CACNG2: variants seen among roughly 807,000 people sequenced by gnomAD.
CACNG2 encodes calcium voltage-gated channel auxiliary subunit gamma 2.
A neutral mutation model predicts 25.9 loss-of-function variants in CACNG2; 3 were observed. That is an observed-to-expected ratio of 0.12 (90% CI 0.05 to 0.30). The LOEUF (loss-of-function observed/expected upper bound fraction) is 0.30. CACNG2 is among the 10% of genes least tolerant of loss of function. The pLI is 1.00. For synonymous variants in CACNG2, 167 were observed against 173.3 expected, an observed-to-expected ratio of 0.96 and a Z score of 0.29; for missense variants, 341 against 432.5, an observed-to-expected ratio of 0.79 and a Z score of 1.88.
At position 36,653,982 on chromosome 22, in the gene CACNG2, CTGTGTG is replaced by C. The variant is rs34435196; in HGVS notation, c.211+48378_211+48383del. Among the ~76,000 whole-genome samples, 1,025 of 134,180 alleles carry C rather than the reference CTGTGTG, an allele frequency of 7.6e-3. 5 individuals carry two copies. The highest frequency in any genetic ancestry group is 0.02 in the Middle Eastern group (5 of 254). 88.0% of individuals were successfully genotyped at this position (134,180 alleles called of 152,430 possible). A position where few individuals can be genotyped will look rare whatever the true frequency, so the allele number is the denominator to read the frequency against. On this transcript the variant is annotated intron_variant, in intron 1 of 3. Coordinates refer to ENST00000300105, the MANE Select transcript of CACNG2 (RefSeq NM_006078.5). ...TGTTTGTGTGTGTGTGTGTGTGTCT[CTGTGTG>C]TGTGTGTGTGTGTGTGTGTGTGTGT...
chr22:36,680,477 T>A (rs1056563215), intron 1 of CACNG2, among the ~76,000 whole-genome samples: 8 of 140,786 alleles, frequency 5.7e-5, no homozygotes, highest in African/African-American at 2.1e-4. Flanking sequence ...ACCACCATCT[T>A]TATCACAGTC....
chr22:36,564,821 C>T lies in CACNG2; in HGVS notation c.502G>A (p.Asp168Asn). The T allele has an allele frequency of 5.0e-6, 8 of 1,614,120 alleles. No individual in the cohort carries two copies. The highest frequency in any genetic ancestry group is 6.8e-6 in the Non-Finnish European group (8 of 1,180,020). The change falls in exon 4 of 4, where the codon GAC (aspartate) becomes AAC (asparagine). Residue 168 changes from aspartate to asparagine, a missense_variant. Transcript: ENST00000300105. This position sits in a 1 kb window ranked among gnomAD's most constrained non-coding sequence, Gnocchi z 6.7. ...SANAGDPSKSDSKKNSYSYGW... is the reference protein window; with the variant it reads ...SANAGDPSKSNSKKNSYSYGW... Reference sequence around the variant, plus strand: ...TATGAGTAACTATTCTTTTTGGAGTCGCTCTTGGAGGGGTCTCCGGCATTG... The same window carrying T: ...TATGAGTAACTATTCTTTTTGGAGTTGCTCTTGGAGGGGTCTCCGGCATTG...
intron 2 of CACNG2, among the ~76,000 whole-genome samples, chr22:36,581,742 G>A (rs982161760): frequency 2.0e-5 from 3 of 152,164 alleles, no homozygotes; most frequent in African/African-American, 7.2e-5. Flanking sequence ...CTCCCTCGGT[G>A]AGTTCATTGA....
At position 36,702,238 on chromosome 22, in the gene CACNG2, G is replaced by C. The variant is rs535677242; in HGVS notation, c.211+128C>G. The C allele has an allele frequency of 3.4e-5, 23 of 670,292 alleles. No individual in the cohort carries two copies. The African/African-American group carries it at 3.8e-4, about 11-fold the overall frequency. The allele number at this position is 670,292 out of a possible 1,614,324, so 41.5% of individuals were successfully genotyped here. On this transcript the variant is annotated intron_variant, in intron 1 of 3. Transcript: ENST00000300105. The stretch of plus-strand genomic sequence containing the variant: ...GAAACTAACCCAACCAACCTTGATT[G>C]GTGGTGGAAGGAGTGAACTAAGAAA...
intron 2 of CACNG2, among the ~76,000 whole-genome samples, chr22:36,569,600 C>T (rs750396488): frequency 2.0e-5 from 3 of 152,154 alleles, no homozygotes; most frequent in South Asian, 2.1e-4. Flanking sequence ...AGTGCAGTGG[C>T]GTGATCTTGA....
chr22:36,598,838 G>A (rs1273196905), intron 1 of CACNG2, among the ~76,000 whole-genome samples: 1 of 151,998 alleles, frequency 6.6e-6, no homozygotes, highest in Non-Finnish European at 1.5e-5. Flanking sequence ...AATTAGCCAA[G>A]TGTGGTGGCA....
chr22:36,666,916 C>G (rs1044607540), intron 1 of CACNG2, among the ~76,000 whole-genome samples: 1 of 152,078 alleles, frequency 6.6e-6, no homozygotes, highest in Non-Finnish European at 1.5e-5. Flanking sequence ...CATTCCAGGC[C>G]TTGCTCTTCT....
chr22:36,599,063 C>G (rs1170716531), intron 1 of CACNG2, among the ~76,000 whole-genome samples: 3 of 152,218 alleles, frequency 2.0e-5, no homozygotes, highest in African/African-American at 4.8e-5. Context: ...TGAAGAAACA[C>G]TTGCATACAT....
At chr22:36,603,671 A>G (rs764731617) in intron 1 of CACNG2, among the ~76,000 whole-genome samples, 7 of 152,106 alleles carry the variant, frequency 4.6e-5, no homozygotes, top group Admixed American at 6.5e-5. Flanking sequence ...TGCTAAATCT[A>G]CTCTACCTGT....
At chr22:36,689,156 G>A (rs2146012048) in intron 1 of CACNG2, among the ~76,000 whole-genome samples, 1 of 152,164 alleles carries the variant, frequency 6.6e-6, no homozygotes, top group Middle Eastern at 3.4e-3. Flanking sequence ...TGAGCTCACT[G>A]GTAACGGTTT....
intron 1 of CACNG2, among the ~76,000 whole-genome samples, chr22:36,644,724 C>T (rs528696102): frequency 1.2e-3 from 176 of 152,274 alleles, no homozygotes; most frequent in Middle Eastern, 3.4e-3. Context: ...GACCCCAAAA[C>T]AAGTTGCTGT....
At chr22:36,572,123 G>A (rs1935240875) in intron 2 of CACNG2, among the ~76,000 whole-genome samples, 1 of 152,106 alleles carries the variant, frequency 6.6e-6, no homozygotes, top group Admixed American at 6.5e-5. Flanking sequence ...ATATTTACTG[G>A]TCTCCTATGA....
At position 36,570,586 on chromosome 22, in the gene CACNG2, C is replaced by T. The variant is rs572892422; in HGVS notation, c.296-4093G>A. Among the ~76,000 whole-genome samples, 39 of 152,018 alleles carry T rather than the reference C, an allele frequency of 2.6e-4. No individual in the cohort carries two copies. The East Asian group carries it at 5.8e-3, about 23-fold the overall frequency. ...ACCAGCCTGGCTAACATGGTGAAAC[C>T]CCGTCTCTACTGAAAAAAACACAAA... On this transcript the variant is annotated intron_variant, in intron 2 of 3. Transcript: ENST00000300105.
intron 1 of CACNG2, among the ~76,000 whole-genome samples, chr22:36,670,896 G>T (rs1936939890): frequency 6.6e-6 from 1 of 150,692 alleles, no homozygotes; most frequent in Admixed American, 6.6e-5. Flanking sequence ...AGTCAGAATT[G>T]CAGGCCAGGT....
intron 1 of CACNG2, among the ~76,000 whole-genome samples, chr22:36,652,066 G>A (rs1318410723): frequency 1.3e-5 from 2 of 151,824 alleles, no homozygotes; most frequent in African/African-American, 4.8e-5. Flanking sequence ...GGGTTTCACC[G>A]TGTTGGCCAG....
intron 1 of CACNG2, among the ~76,000 whole-genome samples, chr22:36,590,605 T>A (rs1205419775): frequency 1.3e-5 from 2 of 152,130 alleles, no homozygotes; most frequent in South Asian, 2.1e-4. Flanking sequence ...CAGGCCACCA[T>A]CCCTGCTCCC....
At chr22:36,629,187 G>A (rs141921047) in intron 1 of CACNG2, among the ~76,000 whole-genome samples, 7 of 152,290 alleles carry the variant, frequency 4.6e-5, no homozygotes, top group Admixed American at 3.9e-4. Context: ...TGGGTAAGAC[G>A]GATCTGATTT....
intron 1 of CACNG2, among the ~76,000 whole-genome samples, chr22:36,658,524 T>C (rs1346802414): frequency 6.6e-6 from 1 of 152,194 alleles, no homozygotes; most frequent in Non-Finnish European, 1.5e-5. Flanking sequence ...ATAATACAGC[T>C]CAGAAGCTAG....
At chr22:36,675,539 C>T (rs1421680178) in intron 1 of CACNG2, among the ~76,000 whole-genome samples, 1 of 152,336 alleles carries the variant, frequency 6.6e-6, no homozygotes, top group East Asian at 1.9e-4. Context: ...TCCAAGATGG[C>T]AAGTCTCATA....
Sources: allele counts gnomAD v4.1 joint callset (sites outside exome capture counted in the v4.1 genomes callset), GRCh38; gene constraint gnomAD v4.1.1; non-coding constraint Gnocchi (gnomAD v3.1); transcripts MANE v1.5; gene names NCBI Gene and HGNC (gene_info 2026-07-23, HGNC 2026-07-21).